Variants in PCDH15 observed in about 807,000 individuals in gnomAD.
PCDH15 encodes the protein protocadherin-15.
In PCDH15, 129 loss-of-function variants were observed where a neutral mutation model predicts 178.5. That is an observed-to-expected ratio of 0.72 (90% CI 0.63 to 0.84). PCDH15 has a LOEUF of 0.84. Among genes scored for constraint, PCDH15 ranks in the 40% least tolerant of loss-of-function variants. The pLI, the probability that PCDH15 is intolerant of heterozygous loss-of-function variation, is 0.00. For missense variants in PCDH15, 2,230 were observed against 2,099.9 expected, an observed-to-expected ratio of 1.06 and a Z score of -1.21; for synonymous variants, 800 against 732.0, an observed-to-expected ratio of 1.09 and a Z score of -1.50.
At chr10:54,773,814 A>G (rs1949368958) in intron 1 of PCDH15, among the ~76,000 whole-genome samples, 1 of 152,084 alleles carries the variant, frequency 6.6e-6, no homozygotes, top group African/African-American at 2.4e-5. Flanking sequence ...AGAAAATATC[A>G]TTCAATGCTG....
At chr10:54,598,790 A>G (rs768425833) in intron 2 of PCDH15, among the ~76,000 whole-genome samples, 2 of 152,184 alleles carry the variant, frequency 1.3e-5, no homozygotes, top group Non-Finnish European at 2.9e-5. Context: ...AGGTATAAAA[A>G]TCAATGTACA....
intron 2 of PCDH15, among the ~76,000 whole-genome samples, chr10:54,553,192 T>A (rs1341599395): frequency 6.6e-6 from 1 of 152,200 alleles, no homozygotes; most frequent in Non-Finnish European, 1.5e-5. Flanking sequence ...ACTTACAGAT[T>A]ATCTGGTGAT....
At chr10:54,971,905 C>T (rs920450219) in intron 2 of PCDH15, among the ~76,000 whole-genome samples, 1 of 152,130 alleles carries the variant, frequency 6.6e-6, no homozygotes, top group African/African-American at 2.4e-5. Flanking sequence ...AATGTTAACA[C>T]TTTCTATATC....
chr10:54,605,425 A>G (rs778422416), intron 2 of PCDH15, among the ~76,000 whole-genome samples: 4 of 151,808 alleles, frequency 2.6e-5, no homozygotes, highest in Admixed American at 6.6e-5. Flanking sequence ...GCAGTTGTGT[A>G]TTTGTTTGTT....
At chr10:55,280,844 G>C (rs1268464035) in intron 1 of PCDH15, among the ~76,000 whole-genome samples, 1 of 152,028 alleles carries the variant, frequency 6.6e-6, no homozygotes, top group Non-Finnish European at 1.5e-5. Flanking sequence ...TAAACCATGT[G>C]CTATGAAATA....
chr10:55,033,024 G>A (rs1840649333), intron 2 of PCDH15, among the ~76,000 whole-genome samples: 1 of 152,120 alleles, frequency 6.6e-6, no homozygotes, highest in Non-Finnish European at 1.5e-5. Flanking sequence ...CCCTAACCAT[G>A]CCACCATGAT....
chr10:53,874,196 C>T (rs1033155253), intron 26 of PCDH15, among the ~76,000 whole-genome samples: 4 of 151,992 alleles, frequency 2.6e-5, no homozygotes, highest in African/African-American at 7.2e-5. Flanking sequence ...GTAGCTCAGA[C>T]AATAGGAGGC....
Position 54,382,912 on chromosome 10 carries a change from G to A in PCDH15, c.158-3970C>T, listed in dbSNP as rs557918873. Among the ~76,000 whole-genome samples the A allele has an allele frequency of 1.2e-4, 18 of 152,246 alleles. No homozygotes were observed. In the South Asian group the frequency reaches 3.7e-3, roughly 32 times the overall value. On this transcript the variant is annotated intron_variant, in intron 3 of 37. Transcript: ENST00000644397. ...ACAGGTAATTTACACAGGATTTAATGTCAAAAGATCTATGTTCAGAATCTT... is the reference window on the plus strand; with the variant it reads ...ACAGGTAATTTACACAGGATTTAATATCAAAAGATCTATGTTCAGAATCTT...
intron 3 of PCDH15, among the ~76,000 whole-genome samples, chr10:54,862,036 A>C (rs1180397579): frequency 6.6e-6 from 1 of 152,212 alleles, no homozygotes; most frequent in Admixed American, 6.5e-5. Flanking sequence ...TTGTTCAAAA[A>C]GAACTAAATA....
intron 13 of PCDH15, among the ~76,000 whole-genome samples, chr10:54,156,092 C>T (rs1732263273): frequency 6.6e-6 from 1 of 152,108 alleles, no homozygotes; most frequent in Non-Finnish European, 1.5e-5. Flanking sequence ...AAAGTAAAAA[C>T]AATACTATAA....
chr10:54,247,881 A>AAAAAAT (rs1260841226), intron 8 of PCDH15, among the ~76,000 whole-genome samples: 89 of 148,550 alleles, frequency 6.0e-4, no homozygotes, highest in African/African-American at 2.0e-3. Context: ...AAAAAAAAGA[A>AAAAAAT]ATATGTATAT....
At chr10:55,543,235 ATGTG>A (rs749635017) in intron 2 of PCDH15, among the ~76,000 whole-genome samples, 8 of 150,744 alleles carry the variant, frequency 5.3e-5, no homozygotes, top group Non-Finnish European at 1.0e-4. Context: ...ATAATTACAA[ATGTG>A]TGTGTCTATA....
At chr10:55,070,665 T>G (rs983676696) in intron 2 of PCDH15, among the ~76,000 whole-genome samples, 3 of 152,172 alleles carry the variant, frequency 2.0e-5, no homozygotes, top group Admixed American at 1.3e-4. Flanking sequence ...TACCATGCTG[T>G]TTTGGTTACT....
At chr10:54,396,071 C>T (rs1951178738) in intron 3 of PCDH15, among the ~76,000 whole-genome samples, 1 of 152,148 alleles carries the variant, frequency 6.6e-6, no homozygotes, top group Non-Finnish European at 1.5e-5. Flanking sequence ...GGACGATATA[C>T]ATTTACAAAG....
intron 2 of PCDH15, among the ~76,000 whole-genome samples, chr10:55,510,365 A>G (rs1488715264): frequency 1.3e-5 from 2 of 152,008 alleles, no homozygotes; most frequent in African/African-American, 4.8e-5. Context: ...TTTCAGGTAA[A>G]TTTATAAAGG....
At chr10:55,504,159 T>C (rs554132199) in intron 2 of PCDH15, among the ~76,000 whole-genome samples, 4 of 151,358 alleles carry the variant, frequency 2.6e-5, no homozygotes, top group East Asian at 3.9e-4. Flanking sequence ...ACGTAAACTA[T>C]GCATTCCGGA....
At chr10:55,253,169 G>A (rs1841887262) in intron 1 of PCDH15, among the ~76,000 whole-genome samples, 1 of 151,656 alleles carries the variant, frequency 6.6e-6, no homozygotes, top group Admixed American at 6.6e-5. Context: ...GAAAGACAAA[G>A]ACAGAAACAG....
At chr10:55,547,316 T>C (rs1564447729) in intron 2 of PCDH15, among the ~76,000 whole-genome samples, 1 of 152,150 alleles carries the variant, frequency 6.6e-6, no homozygotes, top group Non-Finnish European at 1.5e-5. Context: ...AACAATTATA[T>C]GAGAAACATA....
chr10:54,822,839 A>T (rs1407032244), intron 3 of PCDH15, among the ~76,000 whole-genome samples: 5 of 151,938 alleles, frequency 3.3e-5, no homozygotes, highest in African/African-American at 1.2e-4. Flanking sequence ...GGATGAAAAA[A>T]ATCTCATAAA....
Sources: gnomAD v4.1 joint callset for allele counts (sites outside exome capture counted in the v4.1 genomes callset) on GRCh38, gnomAD v4.1.1 for gene constraint, MANE v1.5 for transcripts, NCBI Gene and HGNC (gene_info 2026-07-23, HGNC 2026-07-21) for gene names.